ARL15: variants seen among roughly 807,000 people sequenced by gnomAD.
The protein encoded by ARL15 is ADP-ribosylation factor-like protein 15.
In ARL15, 19 loss-of-function variants were observed where a neutral mutation model predicts 25.2. The ratio of observed to expected loss-of-function variants is 0.75; its 90% CI spans 0.53 to 1.10. The LOEUF (loss-of-function observed/expected upper bound fraction) is 1.10, where lower values mean the gene tolerates loss of function less well. Ranked by LOEUF, ARL15 falls within the 50% of genes least tolerant of loss-of-function variation. The probability of loss-of-function intolerance (pLI) is 0.00; values close to 1 mark genes in which losing one functional copy is unlikely to be tolerated. For synonymous variants in ARL15, 94 were observed against 86.8 expected, an observed-to-expected ratio of 1.08 and a Z score of -0.46; for missense variants, 220 against 246.0, an observed-to-expected ratio of 0.89 and a Z score of 0.71.
intron 1 of ARL15, among the ~76,000 whole-genome samples, chr5:54,259,647 C>A (rs1280911234): frequency 6.6e-6 from 1 of 152,168 alleles, no homozygotes; most frequent in African/African-American, 2.4e-5. Flanking sequence ...TAGACCCCTA[C>A]ACTGCAGGGG....
At chr5:54,242,932 G>A (rs1756997260) in intron 1 of ARL15, among the ~76,000 whole-genome samples, 1 of 152,038 alleles carries the variant, frequency 6.6e-6, no homozygotes, top group Admixed American at 6.6e-5. Context: ...TCAATATAGA[G>A]AATATAAATC....
Position 54,171,874 on chromosome 5 carries a change from G to A in ARL15, c.103C>T (p.Leu35=), listed in dbSNP as rs748805361. 4 of 1,613,472 alleles carry A rather than the reference G, an allele frequency of 2.5e-6. No individual in the cohort carries two copies. Among genetic ancestry groups the A allele is most frequent in the Non-Finnish European group, 3.4e-6 (4 of 1,179,666 alleles). ...GAACCTGTGAGGCCTATGCAAACCAGGTCATATTCTGGTCGTGCAGGTGGT... is the reference window on the plus strand; with the variant it reads ...GAACCTGTGAGGCCTATGCAAACCAAGTCATATTCTGGTCGTGCAGGTGGT... ...GPPPARPEYD[L]VCIGLTGSGK... is the part of the protein sequence containing the mutation. The change falls in exon 2 of 5, where the codon CTG becomes TTG. Residue 35 remains leucine, a synonymous_variant. Transcript: ENST00000504924.
rs142228938 is a variant in ARL15 at position 54,216,361 on chromosome 5, T to C, written c.49-44433A>G. Reference sequence around the variant, plus strand: ...AAGTTCTTACTACACGGGGGTGTTATTCCACTGTGTACTTCTAAAGTAACT... The same window carrying C: ...AAGTTCTTACTACACGGGGGTGTTACTCCACTGTGTACTTCTAAAGTAACT... On this transcript the variant is annotated intron_variant, in intron 1 of 4. Transcript: ENST00000504924. 9.7e-4 allele frequency among the ~76,000 whole-genome samples: 148 copies of C among 152,302 alleles called. 1 individual carries two copies. The highest frequency in any genetic ancestry group is 3.3e-3 in the African/African-American group (136 of 41,564).
At chr5:54,035,102 T>TA (rs5867912) in intron 4 of ARL15, among the ~76,000 whole-genome samples, 23,195 of 151,380 alleles carry the variant, frequency 0.15, 2,093 homozygotes, top group East Asian at 0.45. Flanking sequence ...ATAGGTTAAT[T>TA]AAAAAAAAAC....
At chr5:54,042,783 C>T (rs2111952804) in intron 4 of ARL15, among the ~76,000 whole-genome samples, 1 of 152,312 alleles carries the variant, frequency 6.6e-6, no homozygotes, top group Admixed American at 6.5e-5. Flanking sequence ...TCTAACTTCC[C>T]TGAGAGTGCC....
rs61392881 is a variant in ARL15 at position 54,273,590 on chromosome 5, G to A, written c.48+36842C>T. Among the ~76,000 whole-genome samples the A allele has an allele frequency of 2.3e-3, 347 of 152,260 alleles. 2 individuals are homozygous for A. Among genetic ancestry groups the A allele is most frequent in the African/African-American group, 8.1e-3 (335 of 41,544 alleles). ...ACGGCAGTGTGTGGTGGCTAAGAAT[G>A]TATCAAATTCTGCCTCAAAATCCTA... On this transcript the variant is annotated intron_variant, in intron 1 of 4. Transcript: ENST00000504924.
chr5:54,310,275 G>T, intron 1 of ARL15, 157 bp downstream of exon 1: 1 of 781,930 alleles, frequency 1.3e-6, no homozygotes, highest in Non-Finnish European at 2.0e-6. Context: ...CTGCCCCTCC[G>T]AGTCCAGGGA....
At chr5:54,097,658 G>T (rs1752327871) in intron 4 of ARL15, among the ~76,000 whole-genome samples, 1 of 152,092 alleles carries the variant, frequency 6.6e-6, no homozygotes, top group South Asian at 2.1e-4. Flanking sequence ...TTTAAGCTTG[G>T]TAACATGCTA....
chr5:54,199,460 A>T (rs546623395), intron 1 of ARL15, among the ~76,000 whole-genome samples: 1 of 152,214 alleles, frequency 6.6e-6, no homozygotes, highest in Admixed American at 6.5e-5. Context: ...AGAAAAAAAC[A>T]ACCCTATCAA....
At chr5:54,251,089 C>T (rs1757224811) in intron 1 of ARL15, among the ~76,000 whole-genome samples, 1 of 152,164 alleles carries the variant, frequency 6.6e-6, no homozygotes, top group Admixed American at 6.5e-5. Context: ...GGAAACACAA[C>T]ACTGCTAATT....
chr5:54,205,635 C>A (rs1004200743), intron 1 of ARL15, among the ~76,000 whole-genome samples: 1 of 152,160 alleles, frequency 6.6e-6, no homozygotes, highest in African/African-American at 2.4e-5. Context: ...GAAACTGAAA[C>A]CTGATATCGT....
chr5:54,099,977 T>A (rs930721077), intron 4 of ARL15, among the ~76,000 whole-genome samples: 1 of 151,638 alleles, frequency 6.6e-6, no homozygotes, highest in Non-Finnish European at 1.5e-5. Flanking sequence ...ATTCATCAAG[T>A]TAAACCTGGG....
At chr5:54,134,583 T>G in intron 3 of ARL15, among the ~76,000 whole-genome samples, 1 of 128,126 alleles carries the variant, frequency 7.8e-6, no homozygotes, top group East Asian at 2.3e-4. Context: ...TTTTTTTTTT[T>G]TTTTTTTTTT....
chr5:54,210,318 A>G (rs1025547867), intron 1 of ARL15, among the ~76,000 whole-genome samples: 3 of 152,210 alleles, frequency 2.0e-5, no homozygotes, highest in African/African-American at 4.8e-5. Flanking sequence ...GCAAGGCAAG[A>G]ACATTTTATT....
chr5:54,247,088 C>T (rs1252162605), intron 1 of ARL15, among the ~76,000 whole-genome samples: 5 of 151,796 alleles, frequency 3.3e-5, no homozygotes, highest in African/African-American at 1.2e-4. Flanking sequence ...TTGTTTTCTC[C>T]AAAAATTTCT....
At chr5:54,214,247 C>T (rs945935914) in intron 1 of ARL15, among the ~76,000 whole-genome samples, 8 of 152,172 alleles carry the variant, frequency 5.3e-5, no homozygotes, top group Non-Finnish European at 8.8e-5. Flanking sequence ...TATAACTTTG[C>T]TACAGCCACT....
At chr5:54,030,210 T>A (rs187238538) in intron 4 of ARL15, among the ~76,000 whole-genome samples, 162 of 151,876 alleles carry the variant, frequency 1.1e-3, no homozygotes, top group African/African-American at 3.8e-3. Flanking sequence ...AGGATATAAG[T>A]GGAAAAGTAC....
chr5:54,002,068 T>C (rs1477306451), intron 4 of ARL15, among the ~76,000 whole-genome samples: 2 of 152,246 alleles, frequency 1.3e-5, no homozygotes, highest in South Asian at 2.1e-4. Context: ...AAATCACTTA[T>C]ATGAAAAATA....
At chr5:54,267,702 A>C (rs1052507246) in intron 1 of ARL15, among the ~76,000 whole-genome samples, 3 of 151,984 alleles carry the variant, frequency 2.0e-5, no homozygotes, top group Non-Finnish European at 1.5e-5. Context: ...GTCTGTAAAG[A>C]ATTTTATTTC....
Sources: allele counts gnomAD v4.1 joint callset (sites outside exome capture counted in the v4.1 genomes callset), GRCh38; gene constraint gnomAD v4.1.1; transcripts MANE v1.5; gene names NCBI Gene and HGNC (gene_info 2026-07-23, HGNC 2026-07-21).